Variants in SPDYE12 observed in about 807,000 individuals in gnomAD.
SPDYE12 encodes the protein speedy/RINGO cell cycle regulator family member E12.
At chr7:74,907,050 T>C in the SPDYE12 span, 14 of 1,566,750 alleles carry the variant, frequency 8.9e-6, 1 homozygote, top group Non-Finnish European at 1.2e-5. Flanking sequence ...AGAAGATGTT[T>C]TGTTTGGGGG....
the SPDYE12 span, among the ~76,000 whole-genome samples, chr7:74,908,973 A>G: frequency 6.3e-5 from 8 of 127,028 alleles, no homozygotes; most frequent in Admixed American, 2.6e-4. Flanking sequence ...GAGCCACCGC[A>G]CCTGGCCTGT....
chr7:74,908,661 C>CTTTTTTTTTTTTTTTTTT, the SPDYE12 span, among the ~76,000 whole-genome samples: 7 of 58,598 alleles, frequency 1.2e-4, no homozygotes, highest in African/African-American at 1.5e-4. Context: ...GTTTTTTGTT[C>CTTTTTTTTTTTTTTTTTT]TTTTTTTTTT....
chr7:74,907,732 GATAAATAAATAA>G, the SPDYE12 span, among the ~76,000 whole-genome samples: 6,233 of 131,062 alleles, frequency 0.048, 555 homozygotes, highest in African/African-American at 0.18. Flanking sequence ...CTCTTGTCTT[GATAAATAAATAA>G]ATAAATAAAT....
chr7:74,909,575 G>A, the SPDYE12 span: 6 of 1,559,162 alleles, frequency 3.8e-6, no homozygotes, highest in Non-Finnish European at 4.4e-6. Flanking sequence ...GGCCGGCCCG[G>A]CTGAAATACG....
chr7:74,909,032 G>GTTTTTTTTTTTTTTTTTTCT, the SPDYE12 span, among the ~76,000 whole-genome samples: 1 of 30,336 alleles, frequency 3.3e-5, no homozygotes, highest in Non-Finnish European at 6.2e-5. Flanking sequence ...TTTTTTGCCT[G>GTTTTTTTTTTTTTTTTTTCT]GTTTTTTTTT....
At chr7:74,909,548 G>C in the SPDYE12 span, 1 of 1,581,662 alleles carries the variant, frequency 6.3e-7, no homozygotes, top group Non-Finnish European at 8.7e-7. Context: ...GAATGCGTTG[G>C]TATTGCCAGG....
the SPDYE12 span, among the ~76,000 whole-genome samples, chr7:74,908,916 T>G: frequency 1.3e-5 from 2 of 149,654 alleles, no homozygotes; most frequent in African/African-American, 4.9e-5. Flanking sequence ...CTCCTGACCT[T>G]GTGATCCGCC....
the SPDYE12 span, among the ~76,000 whole-genome samples, chr7:74,910,313 T>C: frequency 6.7e-6 from 1 of 149,888 alleles, no homozygotes; most frequent in East Asian, 1.9e-4. Context: ...GAGTGAGCTA[T>C]GATCATGCCA....
chr7:74,908,904 C>T, the SPDYE12 span, among the ~76,000 whole-genome samples: 11 of 149,458 alleles, frequency 7.4e-5, no homozygotes, highest in African/African-American at 2.7e-4. Flanking sequence ...GATGGTCTTG[C>T]TCTCCTGACC....
chr7:74,909,033 G>A, the SPDYE12 span, among the ~76,000 whole-genome samples: 1 of 32,002 alleles, frequency 3.1e-5, no homozygotes, highest in Non-Finnish European at 9.0e-5. Flanking sequence ...TTTTTGCCTG[G>A]TTTTTTTTTT....
the SPDYE12 span, among the ~76,000 whole-genome samples, chr7:74,904,616 A>G: frequency 6.6e-6 from 1 of 151,600 alleles, no homozygotes. Flanking sequence ...ATAGATACAA[A>G]GATTGAAAGG....
the SPDYE12 span, among the ~76,000 whole-genome samples, chr7:74,904,620 T>G: frequency 6.6e-6 from 1 of 151,346 alleles, no homozygotes. Flanking sequence ...ATACAAAGAT[T>G]GAAAGGTAAA....
At chr7:74,907,398 A>G in the SPDYE12 span, among the ~76,000 whole-genome samples, 4 of 151,342 alleles carry the variant, frequency 2.6e-5, 1 homozygote, top group Middle Eastern at 0.01. Flanking sequence ...AGTTTGAGAC[A>G]GGCCTGGGCA....
the SPDYE12 span, among the ~76,000 whole-genome samples, chr7:74,907,422 C>G: frequency 6.6e-6 from 1 of 151,322 alleles, no homozygotes; most frequent in African/African-American, 2.4e-5. Flanking sequence ...TAGCAAGACC[C>G]TCGTCTCTAT....
the SPDYE12 span, among the ~76,000 whole-genome samples, chr7:74,910,073 A>G: frequency 4.4e-4 from 65 of 149,212 alleles, no homozygotes; most frequent in African/African-American, 1.6e-3. Context: ...GACAAATCAT[A>G]AAAAGACAAA....
At chr7:74,908,409 G>A in the SPDYE12 span, among the ~76,000 whole-genome samples, 10 of 88,966 alleles carry the variant, frequency 1.1e-4, no homozygotes, top group African/African-American at 4.4e-4. Context: ...GAAGCCCCCT[G>A]GCTTGGGGAG....
At chr7:74,910,654 C>G in the SPDYE12 span, among the ~76,000 whole-genome samples, 5 of 151,046 alleles carry the variant, frequency 3.3e-5, no homozygotes, top group Non-Finnish European at 7.4e-5. Context: ...GAGACACTGC[C>G]CTTCAGCCTG....
chr7:74,908,968 A>G, the SPDYE12 span, among the ~76,000 whole-genome samples: 2 of 136,130 alleles, frequency 1.5e-5, 1 homozygote, highest in African/African-American at 5.6e-5. Flanking sequence ...GGCGTGAGCC[A>G]CCGCACCTGG....
At chr7:74,910,406 G>A in the SPDYE12 span, among the ~76,000 whole-genome samples, 2 of 150,232 alleles carry the variant, frequency 1.3e-5, no homozygotes, top group African/African-American at 4.9e-5. Flanking sequence ...GACCATGGGA[G>A]CTGGTCAGAC....
Sources: gnomAD v4.1 joint callset for allele counts (sites outside exome capture counted in the v4.1 genomes callset) on GRCh38, gnomAD v4.1.1 for gene constraint, MANE v1.5 for transcripts, NCBI Gene and HGNC (gene_info 2026-07-23, HGNC 2026-07-21) for gene names.